The following HPR variants were observed in gnomAD, a reference collection of about 807,000 sequenced individuals.
The protein encoded by HPR is Haptoglobin-related locus.
A neutral mutation model predicts 18.5 loss-of-function variants in HPR; 17 were observed. The observed-to-expected ratio is 0.92, with a 90% confidence interval of 0.63 to 1.38. The LOEUF (loss-of-function observed/expected upper bound fraction) is 1.38, where lower values mean the gene tolerates loss of function less well. Ranked by LOEUF, HPR falls within the 40% of genes most tolerant of loss-of-function variation. HPR has a pLI of 0.00. For missense variants in HPR, 457 were observed against 432.4 expected, an observed-to-expected ratio of 1.06 and a Z score of -0.51; for synonymous variants, 176 against 165.0, an observed-to-expected ratio of 1.07 and a Z score of -0.51.
At position 72,063,356 on chromosome 16, in the gene HPR, C is replaced by T. The variant is rs2041562485; in HGVS notation, c.5+96C>T. ...CAGATGCAGAAATAGAACAAAGAAA[C>T]AGGGCAAATGGGCTAAATTATAGTG... On this transcript the variant is annotated intron_variant, in intron 1 of 4. Transcript: ENST00000540303. The T allele has an allele frequency of 1.6e-6, 2 of 1,252,318 alleles. 1 individual carries two copies. The highest frequency in any genetic ancestry group is 2.1e-6 in the Non-Finnish European group (2 of 937,596). The allele number at this position is 1,252,318 out of a possible 1,614,324, so 77.6% of individuals were successfully genotyped here.
intron 1 of HPR, among the ~76,000 whole-genome samples, chr16:72,070,448 G>C (rs771256013): frequency 6.6e-6 from 1 of 152,116 alleles, no homozygotes; most frequent in East Asian, 1.9e-4. Context: ...AACCAGCTTG[G>C]GAAGGACCCT....
At chr16:72,074,920 G>A (rs528713696) in intron 3 of HPR, among the ~76,000 whole-genome samples, 4 of 152,302 alleles carry the variant, frequency 2.6e-5, no homozygotes, top group South Asian at 2.1e-4. Context: ...GGCTGTGACC[G>A]CCATCACCAC....
At chr16:72,064,054 A>G (rs1161288638) in intron 1 of HPR, among the ~76,000 whole-genome samples, 1 of 152,062 alleles carries the variant, frequency 6.6e-6, no homozygotes, top group Non-Finnish European at 1.5e-5. Context: ...AACTATTTTA[A>G]TAGAAGCAAA....
rs201044200 is a variant in HPR at position 72,074,311 on chromosome 16, T to C, written c.119T>C (p.Ile40Thr). 106 of 1,613,970 alleles carry C rather than the reference T, an allele frequency of 6.6e-5. No homozygotes were observed. In the Admixed American group the frequency reaches 1.2e-3, roughly 18 times the overall value. Residue 40 changes from isoleucine to threonine, a missense_variant, in exon 3 of 5, where the codon ATT becomes ACT. By Grantham distance (89) the Ile-to-Thr change is moderately conservative. Transcript: ENST00000540303. ...GACCGCTTCCCGAAGCCCCCTGAGA[T>C]TGCAAATGGCTATGTGGAGCACTTG... ...SDDRFPKPPE[I>T]ANGYVEHLFR...
Position 72,076,598 on chromosome 16 carries a change from TA to T in HPR, c.565del (p.Ile189LeufsTer16), listed in dbSNP as rs758444320. 87 of 1,614,082 alleles carry T rather than the reference TA, an allele frequency of 5.4e-5. 4 individuals are homozygous for T. The highest frequency in any genetic ancestry group is 3.6e-4 in the South Asian group (33 of 91,086). On this transcript the variant is annotated frameshift_variant, in exon 5 of 5. Transcript: ENST00000540303. LOFTEE classifies it low-confidence loss of function (END_TRUNC). ...TACACCCTAACTACCACCAGGTAGATATTGGGCTCATCAAACTCAAACAGAA... is the reference window on the plus strand; with the variant it reads ...TACACCCTAACTACCACCAGGTAGATTTGGGCTCATCAAACTCAAACAGAA... The part of the protein sequence containing the change: ...VLHPNYHQVD[I>X]GLIKLKQKVL...
At chr16:72,075,921 T>C (rs562275636) in intron 4 of HPR, among the ~76,000 whole-genome samples, 6 of 151,802 alleles carry the variant, frequency 4.0e-5, no homozygotes, top group Admixed American at 3.3e-4. Context: ...GTGATCCAAC[T>C]GCCTCAGCCT....
chr16:72,068,896 C>T (rs971717541), intron 1 of HPR, among the ~76,000 whole-genome samples: 1 of 152,114 alleles, frequency 6.6e-6, no homozygotes, highest in Non-Finnish European at 1.5e-5. Context: ...GAGAGAACAC[C>T]TATGTCTAGA....
At chr16:72,074,213 C>A in intron 2 of HPR, 71 bp from the exon 3 acceptor site, 1 of 1,402,806 alleles carries the variant, frequency 7.1e-7, no homozygotes, top group Non-Finnish European at 1.0e-6. Context: ...AGCTTCCACT[C>A]ATCTGACTTT....
At chr16:72,063,958 T>C (rs576213370) in intron 1 of HPR, among the ~76,000 whole-genome samples, 1 of 152,136 alleles carries the variant, frequency 6.6e-6, no homozygotes, top group Admixed American at 6.5e-5. Context: ...GCCCGGATGA[T>C]CTCGATCTCT....
intron 1 of HPR, among the ~76,000 whole-genome samples, chr16:72,063,929 G>A (rs543112390): frequency 3.9e-5 from 6 of 152,220 alleles, no homozygotes; most frequent in African/African-American, 1.4e-4. Flanking sequence ...TTTTAGTAGC[G>A]ATGTGGTTCA....
At chr16:72,073,684 T>C (rs543599908) in intron 1 of HPR, 7 of 1,458,266 alleles carry the variant, frequency 4.8e-6, no homozygotes, top group East Asian at 2.9e-5. Context: ...AAAGCGTGTA[T>C]GTGGGGCGGA....
Position 72,074,830 on chromosome 16 carries a change from G to C in HPR, c.194-315G>C, listed in dbSNP as rs2041700387. 4.6e-6 allele frequency: 3 copies of C among 646,588 alleles called. No individual in the cohort carries two copies. In the South Asian group the frequency reaches 5.6e-5, roughly 12 times the overall value. 40.1% of individuals were successfully genotyped at this position (646,588 alleles called of 1,614,324 possible). On this transcript the variant is annotated intron_variant, in intron 3 of 4. Transcript: ENST00000540303. ...GATAAGGAAACAGAGGCACCGACAGGTTGAGTATCTTGCCCAAATTCAGGT... is the reference window on the plus strand; with the variant it reads ...GATAAGGAAACAGAGGCACCGACAGCTTGAGTATCTTGCCCAAATTCAGGT...
At position 72,074,386 on chromosome 16, in the gene HPR, G is replaced by GC; in HGVS notation, c.193+1_193+2insC. Reference sequence around the variant, plus strand: ...TACAGACTGCGCACAGAAGGAGATGGTAAGACCTGGACAACTATCTCTGTG... The same window carrying GC: ...TACAGACTGCGCACAGAAGGAGATGGCTAAGACCTGGACAACTATCTCTGTG... On this transcript the variant is annotated splice_donor_variant, in intron 3 of 4. Transcript: ENST00000540303. LOFTEE classifies it high-confidence loss of function. The GC allele has an allele frequency of 6.2e-7, 1 of 1,602,694 alleles. No individual in the cohort carries two copies. Among genetic ancestry groups the GC allele is most frequent in the Non-Finnish European group, 8.6e-7 (1 of 1,169,586 alleles).
chr16:72,071,436 C>T (rs900483513), intron 1 of HPR, among the ~76,000 whole-genome samples: 1 of 152,186 alleles, frequency 6.6e-6, no homozygotes, highest in African/African-American at 2.4e-5. Flanking sequence ...TATGGTAGTT[C>T]TCTTCCAAGA....
At chr16:72,075,621 A>C (rs533743232) in intron 4 of HPR, among the ~76,000 whole-genome samples, 1 of 152,332 alleles carries the variant, frequency 6.6e-6, no homozygotes, top group South Asian at 2.1e-4. Context: ...GCTTCTCGTT[A>C]TTAGGAGGAA....
chr16:72,064,858 C>G (rs533527001), intron 1 of HPR, among the ~76,000 whole-genome samples: 1 of 152,192 alleles, frequency 6.6e-6, no homozygotes, highest in Non-Finnish European at 1.5e-5. Context: ...ACACATCCCA[C>G]TGCCTTGTTG....
At chr16:72,075,336 T>G in intron 4 of HPR, 117 bp downstream of exon 4, 2 of 673,670 alleles carry the variant, frequency 3.0e-6, no homozygotes, top group Non-Finnish European at 5.2e-6. Flanking sequence ...GGAGGAGGGA[T>G]GTGGGAGAAC....
chr16:72,069,424 T>C (rs898039529), intron 1 of HPR, among the ~76,000 whole-genome samples: 13 of 152,308 alleles, frequency 8.5e-5, no homozygotes, highest in African/African-American at 2.2e-4. Context: ...GAAACACCTA[T>C]GTTTCACTTA....
chr16:72,073,734 T>G (rs762516911), intron 1 of HPR, 158 bp from the exon 2 acceptor site: 2 of 1,546,492 alleles, frequency 1.3e-6, no homozygotes, highest in South Asian at 2.3e-5. Context: ...TTCCATATAT[T>G]GATTTTCTTT....
Sources: gnomAD v4.1 joint callset for allele counts (sites outside exome capture counted in the v4.1 genomes callset) on GRCh38, gnomAD v4.1.1 for gene constraint, MANE v1.5 for transcripts, NCBI Gene and HGNC (gene_info 2026-07-23, HGNC 2026-07-21) for gene names.